Variants in ANKRD36B observed in about 807,000 individuals in gnomAD.
ANKRD36B encodes the protein ankyrin repeat domain-containing protein 36B.
A neutral mutation model predicts 135.7 loss-of-function variants in ANKRD36B; 37 were observed. The observed-to-expected ratio is 0.27, with a 90% CI of 0.21 to 0.36. The LOEUF is 0.36. ANKRD36B is among the 10% of genes least tolerant of loss of function. The pLI, the probability that ANKRD36B is intolerant of heterozygous loss-of-function variation, is 1.00. For synonymous variants in ANKRD36B, 179 were observed against 348.1 expected (o/e 0.51, Z 5.41); for missense variants, 549 against 1,037.1 (o/e 0.53, Z 6.46).
In ANKRD36B at chr2:97,533,370, G is replaced by T. The variant is rs1472515414; in HGVS notation, c.2192-986C>A. On this transcript the variant is annotated intron_variant, in intron 34 of 43. Coordinates refer to ENST00000359901, the MANE Select transcript of ANKRD36B (RefSeq NM_001393939.1). ...CATGTTGACTGATAATGAGAAAAATGATCCTTATAAAGAATAGCAAATCAT... is the reference window on the plus strand; with the variant it reads ...CATGTTGACTGATAATGAGAAAAATTATCCTTATAAAGAATAGCAAATCAT... 5.1e-5 allele frequency among the ~76,000 whole-genome samples: 5 copies of T among 97,218 alleles called. 1 individual carries two copies. The highest frequency in any genetic ancestry group is 3.6e-4 in the Admixed American group (4 of 11,004). 63.8% of individuals were successfully genotyped at this position (97,218 alleles called of 152,430 possible).
At chr2:97,550,805 C>T (rs1045025016) in intron 18 of ANKRD36B, among the ~76,000 whole-genome samples, 2 of 151,798 alleles carry the variant, frequency 1.3e-5, no homozygotes, top group Non-Finnish European at 2.9e-5. Context: ...AAATGACTTC[C>T]TCTTTTCCCA....
At chr2:97,583,174 G>C (rs1383129076) in intron 3 of ANKRD36B, among the ~76,000 whole-genome samples, 3 of 129,358 alleles carry the variant, frequency 2.3e-5, no homozygotes, top group South Asian at 2.7e-4. Context: ...CCATAATAGA[G>C]CTTCAGCTTT....
At chr2:97,546,861 TG>T (rs1327655156) in intron 22 of ANKRD36B, among the ~76,000 whole-genome samples, 14 of 151,704 alleles carry the variant, frequency 9.2e-5, no homozygotes, top group African/African-American at 3.1e-4. Context: ...TATGTATCTC[TG>T]ATGCCTCCTA....
intron 20 of ANKRD36B, among the ~76,000 whole-genome samples, chr2:97,548,721 C>T (rs1376843809): frequency 6.6e-6 from 1 of 151,962 alleles, no homozygotes; most frequent in Non-Finnish European, 1.5e-5. Flanking sequence ...ATCAACAAAA[C>T]ATGTATCTCT....
In ANKRD36B at chr2:97,545,746, G is replaced by C. The variant is rs748245691; in HGVS notation, c.1609-8C>G. 116 of 960,974 alleles carry C rather than the reference G, an allele frequency of 1.2e-4. 41 individuals are homozygous for C. In the Middle Eastern group the frequency reaches 9.5e-3, roughly 79 times the overall value. 59.5% of individuals were successfully genotyped at this position (960,974 alleles called of 1,614,324 possible). ...TTCCTTGTCACTTGTAGCCTGAATG[G>C]AATTTGAAACAGAACAGTCAATAAA... is the stretch of plus-strand genomic sequence containing the variant. On this transcript the variant is annotated splice_region_variant and splice_polypyrimidine_tract_variant and intron_variant, in intron 23 of 43. Transcript: ENST00000359901.
chr2:97,574,505 G>T (rs2082099820), intron 6 of ANKRD36B, among the ~76,000 whole-genome samples: 1 of 152,018 alleles, frequency 6.6e-6, no homozygotes, highest in East Asian at 1.9e-4. Flanking sequence ...TCTAGAACTA[G>T]AAATAGCATT....
chr2:97,535,486 A>AGT (rs368558270), intron 34 of ANKRD36B, among the ~76,000 whole-genome samples: 8 of 108,222 alleles, frequency 7.4e-5, no homozygotes, highest in Non-Finnish European at 1.4e-4. Context: ...AAAAAAATAA[A>AGT]ACACACACAC....
rs776880840 is a variant in ANKRD36B, at chr2:97,555,079, A to C, written c.1152T>G (p.Asp384Glu). 10 of 1,611,786 alleles carry C rather than the reference A, an allele frequency of 6.2e-6. No homozygotes were observed. Among genetic ancestry groups the C allele is most frequent in the Non-Finnish European group, 8.5e-6 (10 of 1,178,676 alleles). ...SALNTATEIK[D>E]GLQCGTVSSQ... ...AATTACCTGTCCCACATTGTAGTCCATCCTTTATTTCTGTAGCTGTATTCA... is the reference window on the plus strand; with the variant it reads ...AATTACCTGTCCCACATTGTAGTCCCTCCTTTATTTCTGTAGCTGTATTCA... Residue 384 changes from aspartate to glutamate, a missense_variant, in exon 14 of 44, where the codon GAT (aspartate) becomes GAG (glutamate). Asp to Glu is a conservative substitution (Grantham distance 45). Transcript: ENST00000359901.
rs200560085 is a variant in ANKRD36B at position 97,571,645 on chromosome 2, C to CA, written c.763+4733dup. ...TGGGCAACAGAGCGAGACTCAGTCTCAAAAAAAAATCTATTAATAAAAACA... is the reference window on the plus strand; with the variant it reads ...TGGGCAACAGAGCGAGACTCAGTCTCAAAAAAAAAATCTATTAATAAAAACA... On this transcript the variant is annotated intron_variant, in intron 6 of 43. Coordinates refer to ENST00000359901, the MANE Select transcript of ANKRD36B (RefSeq NM_001393939.1). 2.0e-3 allele frequency among the ~76,000 whole-genome samples: 297 copies of CA among 150,354 alleles called. 1 individual carries two copies. Among genetic ancestry groups the CA allele is most frequent in the Non-Finnish European group, 3.2e-3 (218 of 67,530 alleles).
rs1412529296 is a variant in ANKRD36B at position 97,549,452 on chromosome 2, T to C, written c.1444A>G (p.Arg482Gly). The C allele has an allele frequency of 1.3e-6, 2 of 1,584,722 alleles. No homozygotes were observed. Among genetic ancestry groups the C allele is most frequent in the African/African-American group, 2.7e-5 (2 of 74,562 alleles). ...VKEDSVLNIAREKKDGEKSRT... is the reference protein window; with the variant it reads ...VKEDSVLNIAGEKKDGEKSRT... ...GATTTTTCTCCATCCTTTTTTTCTCTGGCTATATTCAAAACAGAATCTTCC... is the reference window on the plus strand; with the variant it reads ...GATTTTTCTCCATCCTTTTTTTCTCCGGCTATATTCAAAACAGAATCTTCC... The change falls in exon 20 of 44, where the codon AGA (arginine) becomes GGA (glycine). Residue 482 changes from arginine to glycine, a missense_variant. Coordinates refer to ENST00000359901, the MANE Select transcript of ANKRD36B (RefSeq NM_001393939.1).
intron 20 of ANKRD36B, among the ~76,000 whole-genome samples, chr2:97,548,516 A>G (rs1250581434): frequency 6.6e-6 from 1 of 151,970 alleles, no homozygotes; most frequent in African/African-American, 2.4e-5. Context: ...AATCACTGCA[A>G]TATTCATTGA....
intron 4 of ANKRD36B, among the ~76,000 whole-genome samples, chr2:97,579,980 C>T (rs1379337492): frequency 6.6e-6 from 1 of 152,164 alleles, no homozygotes; most frequent in Non-Finnish European, 1.5e-5. Flanking sequence ...CTGTGTGAAC[C>T]TAAAGCTTGT....
At chr2:97,558,914 T>A in intron 9 of ANKRD36B, 43 bp from the exon 10 acceptor site, 1 of 1,608,262 alleles carries the variant, frequency 6.2e-7, no homozygotes, top group Non-Finnish European at 8.5e-7. Context: ...GTAAAGTAGG[T>A]TTCATAGACT....
intron 5 of ANKRD36B, among the ~76,000 whole-genome samples, chr2:97,576,962 C>T (rs2082274958): frequency 6.6e-6 from 1 of 151,952 alleles, no homozygotes; most frequent in Admixed American, 6.6e-5. Flanking sequence ...TTCTAATATT[C>T]AAATGCTTCA....
intron 22 of ANKRD36B, among the ~76,000 whole-genome samples, chr2:97,546,912 A>G (rs1356245173): frequency 6.6e-6 from 1 of 151,704 alleles, no homozygotes; most frequent in Non-Finnish European, 1.5e-5. Context: ...GTGTATTCCA[A>G]TTACACCATT....
intron 3 of ANKRD36B, 139 bp from the exon 4 acceptor site, chr2:97,580,707 C>T (rs1209683167): frequency 1.4e-5 from 9 of 663,926 alleles, no homozygotes; most frequent in Middle Eastern, 3.7e-4. Context: ...TTTCCCTCCT[C>T]GGTGCTTTTC....
At chr2:97,494,459 A>T (rs2077281638) in intron 43 of ANKRD36B, among the ~76,000 whole-genome samples, 1 of 106,838 alleles carries the variant, frequency 9.4e-6, no homozygotes, top group Non-Finnish European at 2.6e-5. Flanking sequence ...ACTGTTTTAA[A>T]CAACCACCTT....
intron 21 of ANKRD36B, 45 bp from the exon 22 acceptor site, chr2:97,547,653 T>C: frequency 6.4e-7 from 1 of 1,554,896 alleles, no homozygotes; most frequent in African/African-American, 1.4e-5. Context: ...AAAGTATGTT[T>C]CATAGACTAT....
chr2:97,555,833 T>C (rs1412844251), intron 12 of ANKRD36B, among the ~76,000 whole-genome samples: 1 of 151,948 alleles, frequency 6.6e-6, no homozygotes, highest in African/African-American at 2.4e-5. Flanking sequence ...ATAATACCCA[T>C]GTGGTGTAAT....
Sources: allele counts gnomAD v4.1 joint callset (sites outside exome capture counted in the v4.1 genomes callset), GRCh38; gene constraint gnomAD v4.1.1; transcripts MANE v1.5; gene names NCBI Gene and HGNC (gene_info 2026-07-23, HGNC 2026-07-21).